Variants in CD2AP observed in about 807,000 individuals in gnomAD.
CD2AP encodes the protein CD2 associated protein.
In CD2AP, 46 loss-of-function variants were observed where a neutral mutation model predicts 85.1. That is an observed-to-expected ratio of 0.54 (90% CI 0.43 to 0.69). The LOEUF is 0.69. CD2AP is among the 30% of genes least tolerant of loss of function. The pLI is 0.00. For missense variants in CD2AP, 769 were observed against 729.5 expected, an observed-to-expected ratio of 1.05 and a Z score of -0.62; for synonymous variants, 255 against 252.9, an observed-to-expected ratio of 1.01 and a Z score of -0.08.
intron 5 of CD2AP, among the ~76,000 whole-genome samples, chr6:47,568,199 T>C (rs1768055503): frequency 6.6e-6 from 1 of 152,254 alleles, no homozygotes; most frequent in Middle Eastern, 3.2e-3. Context: ...ATCGTTAAAA[T>C]AGATGCCTAG....
intron 5 of CD2AP, among the ~76,000 whole-genome samples, chr6:47,561,448 G>C (rs985653474): frequency 7.2e-5 from 11 of 151,970 alleles, no homozygotes; most frequent in African/African-American, 2.7e-4. Flanking sequence ...CCTAGTCTTG[G>C]AATCAGCTAC....
At position 47,580,877 on chromosome 6, in the gene CD2AP, C is replaced by T. The variant is rs749272191; in HGVS notation, c.1022C>T (p.Pro341Leu). ...TTATTTTAACAGAAACCAAAGAAAC[C>T]ACCACCTCCTGCTAAGGCTCCAGGT... ...LDKDFPKPKK[P>L]PPPAKAPAPK... The change falls in exon 10 of 18, where the codon CCA becomes CTA. Residue 341 changes from proline to leucine, a missense_variant. By Grantham distance (98) the Pro-to-Leu change is moderately conservative. Coordinates refer to ENST00000359314, the MANE Select transcript of CD2AP (RefSeq NM_012120.3). 1 of 1,608,396 alleles carries T rather than the reference C, an allele frequency of 6.2e-7. No homozygotes were observed. Among genetic ancestry groups the T allele is most frequent in the East Asian group, 2.2e-5 (1 of 44,752 alleles).
At chr6:47,606,085 G>T in intron 13 of CD2AP, 80 bp from the exon 14 acceptor site, 1 of 769,910 alleles carries the variant, frequency 1.3e-6, no homozygotes, top group Non-Finnish European at 2.2e-6. Flanking sequence ...TTTATAGTTT[G>T]TCCAAAAACT....
At chr6:47,577,305 A>G (rs1263092091) in intron 8 of CD2AP, among the ~76,000 whole-genome samples, 1 of 152,136 alleles carries the variant, frequency 6.6e-6, no homozygotes, top group Non-Finnish European at 1.5e-5. Context: ...TTTATTGACT[A>G]TATTTGTTGT....
chr6:47,510,228 A>G (rs115461694), intron 2 of CD2AP, among the ~76,000 whole-genome samples: 24 of 152,320 alleles, frequency 1.6e-4, no homozygotes, highest in African/African-American at 5.3e-4. Flanking sequence ...TTGTATATAT[A>G]TGTGTCTGTG....
rs922895673 is a variant in CD2AP, at chr6:47,619,654, G to C, written c.1879-4532G>C. ...TAAAGGAATCTCTGCACTGTTTTCT[G>C]TAGTGGGCTGTACTAGTTTACGTTC... On this transcript the variant is annotated intron_variant, in intron 17 of 17. Coordinates refer to ENST00000359314, the MANE Select transcript of CD2AP (RefSeq NM_012120.3). Among the ~76,000 whole-genome samples the C allele has an allele frequency of 2.6e-5, 4 of 152,184 alleles. No individual in the cohort carries two copies. In the South Asian group the frequency reaches 8.3e-4, roughly 32 times the overall value.
chr6:47,531,641 A>G (rs1766878607), intron 2 of CD2AP, among the ~76,000 whole-genome samples: 1 of 151,924 alleles, frequency 6.6e-6, no homozygotes, highest in Non-Finnish European at 1.5e-5. Flanking sequence ...ATAGGTTACC[A>G]GTACTCTTCT....
intron 4 of CD2AP, among the ~76,000 whole-genome samples, chr6:47,554,109 C>T (rs1036711030): frequency 6.6e-6 from 1 of 152,032 alleles, no homozygotes; most frequent in African/African-American, 2.4e-5. Flanking sequence ...GATGGGATTT[C>T]ACCACGTTGC....
At chr6:47,491,694 G>C (rs984685817) in intron 1 of CD2AP, among the ~76,000 whole-genome samples, 3 of 151,978 alleles carry the variant, frequency 2.0e-5, no homozygotes, top group Non-Finnish European at 4.4e-5. Context: ...TATTAAAGCA[G>C]ACTAGTAGAA....
At chr6:47,510,671 A>G (rs564018591) in intron 2 of CD2AP, among the ~76,000 whole-genome samples, 1 of 152,314 alleles carries the variant, frequency 6.6e-6, no homozygotes, top group African/African-American at 2.4e-5. Flanking sequence ...AAACGGGAGA[A>G]AGGATAAATT....
chr6:47,585,634 G>A (rs890402010), intron 11 of CD2AP, among the ~76,000 whole-genome samples: 7 of 152,148 alleles, frequency 4.6e-5, no homozygotes, highest in Admixed American at 3.3e-4. Flanking sequence ...AATTTGTGGG[G>A]CAGAGTGCCA....
intron 2 of CD2AP, among the ~76,000 whole-genome samples, chr6:47,505,011 C>CTTTTTTTTTT (rs58060161): frequency 1.6e-4 from 15 of 95,112 alleles, no homozygotes; most frequent in Non-Finnish European, 2.3e-4. Context: ...GTGGCAGTTT[C>CTTTTTTTTTT]TTTTTTTTTT....
chr6:47,593,781 A>G (rs1404854614), intron 11 of CD2AP, among the ~76,000 whole-genome samples: 3 of 152,178 alleles, frequency 2.0e-5, no homozygotes, highest in Non-Finnish European at 4.4e-5. Flanking sequence ...TGGAATTACC[A>G]TATGACCCAG....
intron 17 of CD2AP, among the ~76,000 whole-genome samples, chr6:47,617,249 G>A (rs1769617832): frequency 6.6e-6 from 1 of 152,150 alleles, no homozygotes; most frequent in African/African-American, 2.4e-5. Context: ...AAAGGTATGA[G>A]CCACCATGCC....
chr6:47,539,566 A>G (rs1767150383), intron 3 of CD2AP, among the ~76,000 whole-genome samples: 1 of 152,232 alleles, frequency 6.6e-6, no homozygotes, highest in Non-Finnish European at 1.5e-5. Flanking sequence ...AGTGGGCATA[A>G]TATTCCAGAA....
intron 2 of CD2AP, among the ~76,000 whole-genome samples, chr6:47,505,590 T>C (rs1766125062): frequency 1.5e-5 from 2 of 132,568 alleles, no homozygotes; most frequent in African/African-American, 2.7e-5. Context: ...GCCCCTCACC[T>C]CCCGGACGGG....
chr6:47,605,746 A>T (rs1265120628), intron 13 of CD2AP, among the ~76,000 whole-genome samples: 1 of 152,040 alleles, frequency 6.6e-6, no homozygotes, highest in Non-Finnish European at 1.5e-5. Context: ...TACTTCTTGA[A>T]GTTCAAAACA....
chr6:47,571,207 A>G (rs573461948), intron 5 of CD2AP, among the ~76,000 whole-genome samples: 31 of 152,314 alleles, frequency 2.0e-4, no homozygotes, highest in African/African-American at 7.5e-4. Context: ...GCTTTGTCCA[A>G]CAGGCTGGTT....
rs929785435 is a variant in CD2AP, at chr6:47,514,869, C to T, written c.165+11429C>T. Reference sequence around the variant, plus strand: ...GAGTTGGTGACCAGCCTGGCCAACACGGTGAAACCCAGTCTCTACTAAAAG... The same window carrying T: ...GAGTTGGTGACCAGCCTGGCCAACATGGTGAAACCCAGTCTCTACTAAAAG... On this transcript the variant is annotated intron_variant, in intron 2 of 17. Coordinates refer to ENST00000359314, the MANE Select transcript of CD2AP (RefSeq NM_012120.3). Among the ~76,000 whole-genome samples the T allele has an allele frequency of 5.3e-5, 8 of 151,982 alleles. No individual in the cohort carries two copies. In the East Asian group the frequency reaches 5.8e-4, roughly 11 times the overall value.
Sources: allele counts gnomAD v4.1 joint callset (sites outside exome capture counted in the v4.1 genomes callset), GRCh38; gene constraint gnomAD v4.1.1; transcripts MANE v1.5; gene names NCBI Gene and HGNC (gene_info 2026-07-23, HGNC 2026-07-21).